NTRK2: variants seen among roughly 807,000 people sequenced by gnomAD.
NTRK2 encodes BDNF/NT-3 growth factors receptor.
NTRK2 carries 13 observed loss-of-function variants against 94.5 expected under a neutral mutation model. That is an observed-to-expected ratio of 0.14 (90% CI 0.09 to 0.22). The LOEUF (loss-of-function observed/expected upper bound fraction) is 0.22, where lower values mean the gene tolerates loss of function less well. Among genes scored for constraint, NTRK2 ranks in the 10% least tolerant of loss-of-function variants. NTRK2 has a pLI of 1.00. For synonymous variants in NTRK2, 372 were observed against 407.4 expected (o/e 0.91, Z 1.05); for missense variants, 639 against 1,071.2 (o/e 0.60, Z 5.63).
At position 84,909,786 on chromosome 9, in the gene NTRK2, T is replaced by C. The variant is rs1329615986; in HGVS notation, c.1634-24376T>C. ...ATCTTCTAATTGGATTGTTTATCTT[T>C]AACAATTCAGTTTTGAGAGTTCTTT... On this transcript the variant is annotated intron_variant, in intron 14 of 18. Transcript: ENST00000277120. Among the ~76,000 whole-genome samples, 3 of 152,196 alleles carry C rather than the reference T, an allele frequency of 2.0e-5. No homozygotes were observed. The East Asian group carries it at 5.8e-4, about 29-fold the overall frequency.
intron 14 of NTRK2, among the ~76,000 whole-genome samples, chr9:84,926,169 CCTTTCTTTCTTTCTTT>C (rs869183621): frequency 0.025 from 954 of 38,318 alleles, 34 homozygotes; most frequent in South Asian, 0.031. Context: ...TTCCTTCCTT[CCTTTCTTTCTTTCTTT>C]CTTTCTTTCT....
At chr9:84,758,385 A>G (rs2065258332) in intron 12 of NTRK2, among the ~76,000 whole-genome samples, 1 of 147,654 alleles carries the variant, frequency 6.8e-6, no homozygotes, top group African/African-American at 2.6e-5. Context: ...TCTTTTTGTA[A>G]TTATTATTAT....
intron 14 of NTRK2, among the ~76,000 whole-genome samples, chr9:84,924,935 C>T (rs2077703562): frequency 6.6e-6 from 1 of 152,080 alleles, no homozygotes; most frequent in Non-Finnish European, 1.5e-5. Context: ...GCTATCTAGT[C>T]GATCACTGCA....
In NTRK2 at chr9:84,750,932, A is replaced by G. The variant is rs1290499891; in HGVS notation, c.1297-1054A>G. The stretch of plus-strand genomic sequence containing the variant: ...TTCTATGTGTACCTCTGTCATCTCT[A>G]CCTCTGGGATGGGAGAGGATTCACA... On this transcript the variant is annotated intron_variant, in intron 11 of 18. Coordinates refer to ENST00000277120, the MANE Select transcript of NTRK2 (RefSeq NM_006180.6). Among the ~76,000 whole-genome samples, 3 of 152,140 alleles carry G rather than the reference A, an allele frequency of 2.0e-5. No homozygotes were observed. In the East Asian group the frequency reaches 5.8e-4, roughly 29 times the overall value.
At chr9:84,851,272 A>G (rs550734090) in intron 12 of NTRK2, among the ~76,000 whole-genome samples, 19 of 152,326 alleles carry the variant, frequency 1.2e-4, no homozygotes, top group African/African-American at 4.6e-4. Context: ...TAAAGAGCAC[A>G]TTGGGCATTT....
rs761042296 is a variant in NTRK2, at chr9:84,882,719, T to TGTGCGC, written c.1633+15289_1633+15290insTGCGCG. Among the ~76,000 whole-genome samples, 48 of 145,830 alleles carry TGTGCGC rather than the reference T, an allele frequency of 3.3e-4. 1 individual carries two copies. The highest frequency in any genetic ancestry group is 1.1e-3 in the African/African-American group (43 of 37,970). ...TCTAGTGTGTGTGTGTGTGTGTGTGTGCGCGCGCGCGCGCATGTGTGCATT... is the reference window on the plus strand; with the variant it reads ...TCTAGTGTGTGTGTGTGTGTGTGTGTGTGCGCGCGCGCGCGCGCGCATGTGTGCATT... On this transcript the variant is annotated intron_variant, in intron 14 of 18. Coordinates refer to ENST00000277120, the MANE Select transcript of NTRK2 (RefSeq NM_006180.6).
At chr9:84,994,343 A>G (rs75494503) in intron 17 of NTRK2, among the ~76,000 whole-genome samples, 2,629 of 152,294 alleles carry the variant, frequency 0.017, 67 homozygotes, top group African/African-American at 0.059. Context: ...CCCAACAAAA[A>G]TGTTCAATAA....
intron 2 of NTRK2, among the ~76,000 whole-genome samples, chr9:84,686,493 G>T (rs1428110209): frequency 6.6e-6 from 1 of 152,224 alleles, no homozygotes; most frequent in African/African-American, 2.4e-5. Flanking sequence ...TGGATCAATT[G>T]CAGTTTTCCC....
chr9:84,938,824 A>G (rs1195680880), intron 15 of NTRK2, among the ~76,000 whole-genome samples: 1 of 152,044 alleles, frequency 6.6e-6, no homozygotes, highest in Non-Finnish European at 1.5e-5. Flanking sequence ...GCCAAGGCAG[A>G]TGAATTGCTT....
chr9:84,998,516 C>T (rs528419649), intron 17 of NTRK2, among the ~76,000 whole-genome samples: 11 of 152,272 alleles, frequency 7.2e-5, no homozygotes, highest in East Asian at 3.9e-4. Flanking sequence ...TGTCCTTAGG[C>T]GGCTTTACAA....
chr9:84,697,280 G>A (rs2060441540), intron 2 of NTRK2, among the ~76,000 whole-genome samples: 1 of 152,188 alleles, frequency 6.6e-6, no homozygotes, highest in South Asian at 2.1e-4. Context: ...TGAGGCAAGT[G>A]CGGGGACATG....
intron 14 of NTRK2, among the ~76,000 whole-genome samples, chr9:84,885,574 C>T (rs2076389352): frequency 6.6e-6 from 1 of 151,838 alleles, no homozygotes; most frequent in Admixed American, 6.6e-5. Context: ...AACCCTTAGA[C>T]TGAAACAATA....
chr9:84,813,549 A>C lies in NTRK2; in HGVS notation c.1397-47491A>C, dbSNP rs967138473. On this transcript the variant is annotated intron_variant, in intron 12 of 18. Transcript: ENST00000277120. ...AGGGCTTTGTTACCACAAGCTAAGA[A>C]ACTGAGTTTAACAGCCCAGTTATCT... The C allele has an allele frequency of 6.6e-6, 7 of 1,065,330 alleles. No individual in the cohort carries two copies. In the East Asian group the frequency reaches 2.0e-4, roughly 30 times the overall value. 66.0% of individuals were successfully genotyped at this position (1,065,330 alleles called of 1,614,324 possible). A position where few individuals can be genotyped will look rare whatever the true frequency, so the allele number is the denominator to read the frequency against.
chr9:84,764,145 CTATCAG>C (rs1203589953), intron 12 of NTRK2, among the ~76,000 whole-genome samples: 12 of 152,180 alleles, frequency 7.9e-5, no homozygotes, highest in African/African-American at 2.9e-4. Flanking sequence ...GGTTGTTACA[CTATCAG>C]TGGAAGTTGG....
At chr9:84,733,900 C>T (rs1230089257) in intron 9 of NTRK2, among the ~76,000 whole-genome samples, 1 of 152,208 alleles carries the variant, frequency 6.6e-6, no homozygotes, top group African/African-American at 2.4e-5. Context: ...TTCACTTATT[C>T]TCAATTCAAA....
At chr9:84,687,543 A>G (rs2131493336) in intron 2 of NTRK2, among the ~76,000 whole-genome samples, 1 of 152,258 alleles carries the variant, frequency 6.6e-6, no homozygotes, top group East Asian at 1.9e-4. Flanking sequence ...TACCCAGTCT[A>G]CACTAGAATC....
At chr9:84,966,188 T>G (rs1825535716) in intron 17 of NTRK2, among the ~76,000 whole-genome samples, 1 of 152,206 alleles carries the variant, frequency 6.6e-6, no homozygotes, top group South Asian at 2.1e-4. Flanking sequence ...ATTCTTTTTA[T>G]GCTGATGGAG....
rs1000005496 is a variant in NTRK2, at chr9:84,931,005, A to AT, written c.1634-3151dup. On this transcript the variant is annotated intron_variant, in intron 14 of 18. Coordinates refer to ENST00000277120, the MANE Select transcript of NTRK2 (RefSeq NM_006180.6). ...GTCTGTGGTTATCATTATTAAACAT[A>AT]TTTTTTCACAGATATTTATAAATCA... 2.0e-5 allele frequency among the ~76,000 whole-genome samples: 3 copies of AT among 152,218 alleles called. No individual in the cohort carries two copies. The East Asian group carries it at 5.8e-4, about 29-fold the overall frequency.
intron 10 of NTRK2, among the ~76,000 whole-genome samples, chr9:84,742,200 T>C (rs1266941534): frequency 6.6e-6 from 1 of 152,226 alleles, no homozygotes; most frequent in Non-Finnish European, 1.5e-5. Context: ...ATTTCCTTAA[T>C]TGGGAACTAA....
Sources: gnomAD v4.1 joint callset for allele counts (sites outside exome capture counted in the v4.1 genomes callset) on GRCh38, gnomAD v4.1.1 for gene constraint, MANE v1.5 for transcripts, NCBI Gene and HGNC (gene_info 2026-07-23, HGNC 2026-07-21) for gene names.